Variants in AGAP1 observed in about 807,000 individuals in gnomAD.
AGAP1 encodes the protein arf-GAP with GTPase, ANK repeat and PH domain-containing protein 1.
AGAP1 carries 29 observed loss-of-function variants against 105.3 expected under a neutral mutation model. The ratio of observed to expected loss-of-function variants is 0.28; its 90% CI spans 0.21 to 0.38. The LOEUF (loss-of-function observed/expected upper bound fraction) is 0.38, where lower values mean the gene tolerates loss of function less well. Ranked by LOEUF, AGAP1 falls within the 10% of genes least tolerant of loss-of-function variation. The probability of loss-of-function intolerance (pLI) is 1.00; values close to 1 mark genes in which losing one functional copy is unlikely to be tolerated. For synonymous variants in AGAP1, 509 were observed against 485.9 expected (o/e 1.05, Z -0.63); for missense variants, 998 against 1,165.1 (o/e 0.86, Z 2.09).
Position 235,753,154 on chromosome 2 carries a change from C to T in AGAP1, c.673+2666C>T, listed in dbSNP as rs139460688. 2.2e-3 allele frequency among the ~76,000 whole-genome samples: 335 copies of T among 152,290 alleles called. 2 individuals are homozygous for T. Among genetic ancestry groups the T allele is most frequent in the African/African-American group, 7.7e-3 (320 of 41,558 alleles). On this transcript the variant is annotated intron_variant, in intron 6 of 17. Coordinates refer to ENST00000304032, the MANE Select transcript of AGAP1 (RefSeq NM_001037131.3). This position sits in a 1 kb window ranked among gnomAD's most constrained non-coding sequence, Gnocchi z 4.5. ...GTTGAGTTCCATACCACACCCAGCA[C>T]GTTCAAGGCAGAGGACAGGCAGCCA...
At chr2:235,537,702 C>G (rs1943287223) in intron 1 of AGAP1, among the ~76,000 whole-genome samples, 1 of 152,212 alleles carries the variant, frequency 6.6e-6, no homozygotes, top group African/African-American at 2.4e-5. Flanking sequence ...CCAGTCTTGT[C>G]TAATAATTAT....
chr2:235,544,306 C>G (rs1943552204), intron 1 of AGAP1, among the ~76,000 whole-genome samples: 1 of 152,154 alleles, frequency 6.6e-6, no homozygotes, highest in African/African-American at 2.4e-5. Flanking sequence ...TAAAATTGTG[C>G]AAGAAACGCA....
chr2:235,498,202 G>A (rs1203233456), intron 1 of AGAP1, among the ~76,000 whole-genome samples: 1 of 152,220 alleles, frequency 6.6e-6, no homozygotes. Flanking sequence ...GTAGGCATGG[G>A]ATACAGGTGA....
intron 11 of AGAP1, among the ~76,000 whole-genome samples, chr2:235,911,737 A>T (rs911557424): frequency 2.0e-4 from 30 of 152,330 alleles, no homozygotes; most frequent in African/African-American, 7.0e-4. Flanking sequence ...CTGTTGGGCA[A>T]ATGGGAGGGT....
At chr2:235,969,553 C>T (rs1219296057) in intron 13 of AGAP1, among the ~76,000 whole-genome samples, 1 of 152,180 alleles carries the variant, frequency 6.6e-6, no homozygotes, top group Non-Finnish European at 1.5e-5. Flanking sequence ...CTTTCTCTTT[C>T]TCTATGGCTG....
rs964366756 is a variant in AGAP1, at chr2:235,614,295, G to A, written c.164-94884G>A. ...GCGGGGAGGTGGCTGGTGCTGGAGC[G>A]TGTATAACAAAAGTGGGATCCGGAA... On this transcript the variant is annotated intron_variant, in intron 1 of 17. Transcript: ENST00000304032. This position sits in a 1 kb window ranked among gnomAD's most constrained non-coding sequence, Gnocchi z 4.7. 3.3e-5 allele frequency among the ~76,000 whole-genome samples: 5 copies of A among 152,066 alleles called. No individual in the cohort carries two copies. Among genetic ancestry groups the A allele is most frequent in the South Asian group, 2.1e-4 (1 of 4,824 alleles).
rs182574726 is a variant in AGAP1 at position 235,759,387 on chromosome 2, T to C, written c.673+8899T>C. On this transcript the variant is annotated intron_variant, in intron 6 of 17. Transcript: ENST00000304032. ...GCTTTCACCGTGTTAGCCAGGATGG[T>C]CTTGATCTCCTGACCTCGTGATCCG... Among the ~76,000 whole-genome samples, 496 of 150,708 alleles carry C rather than the reference T, an allele frequency of 3.3e-3. 1 individual carries two copies. The highest frequency in any genetic ancestry group is 0.011 in the African/African-American group (469 of 41,100).
At chr2:235,885,282 A>G (rs1477505558) in intron 10 of AGAP1, among the ~76,000 whole-genome samples, 1 of 152,216 alleles carries the variant, frequency 6.6e-6, no homozygotes, top group Non-Finnish European at 1.5e-5. Flanking sequence ...ATATACTTGT[A>G]CACCACCATT....
In AGAP1 at chr2:236,087,057, A is replaced by G. The variant is rs1186037224; in HGVS notation, c.2115-33135A>G. 7.2e-5 allele frequency among the ~76,000 whole-genome samples: 11 copies of G among 152,098 alleles called. No homozygotes were observed. Among genetic ancestry groups the G allele is most frequent in the Non-Finnish European group, 1.5e-4 (10 of 68,026 alleles). ...AGGAAACTGTTTTCATGAGTAAATG[A>G]AGGAAACAAAGGCCTCGCAGCAGGA... is the stretch of plus-strand genomic sequence containing the variant. On this transcript the variant is annotated intron_variant, in intron 16 of 17. Coordinates refer to ENST00000304032, the MANE Select transcript of AGAP1 (RefSeq NM_001037131.3). This position sits in a 1 kb window ranked among gnomAD's most constrained non-coding sequence, Gnocchi z 5.7.
rs1296812170 is a variant in AGAP1 at position 236,128,138 on chromosome 2, C to T, written c.*4016C>T. ...CAGCTTGCCAGTGCCCTGCCCTCCA[C>T]ATGGCGGGGAACAGCATCAATGAGG... On this transcript the variant is annotated 3_prime_UTR_variant, in exon 18 of 18. Coordinates refer to ENST00000304032, the MANE Select transcript of AGAP1 (RefSeq NM_001037131.3). The surrounding 1 kb of genome is among the most constrained non-coding windows in gnomAD (Gnocchi z 5.9). The T allele has an allele frequency of 5.9e-5, 9 of 152,194 alleles. No homozygotes were observed. Among genetic ancestry groups the T allele is most frequent in the African/African-American group, 2.2e-4 (9 of 41,394 alleles). The allele number at this position is 152,194 out of a possible 1,614,324, so 9.4% of individuals were successfully genotyped here.
At chr2:235,508,348 A>G (rs1009512033) in intron 1 of AGAP1, among the ~76,000 whole-genome samples, 9 of 152,224 alleles carry the variant, frequency 5.9e-5, no homozygotes, top group Admixed American at 2.6e-4. Flanking sequence ...AGTAAAGTAG[A>G]AAAGGAAACT....
At position 235,615,604 on chromosome 2, in the gene AGAP1, C is replaced by T. The variant is rs1244208043; in HGVS notation, c.164-93575C>T. 6.6e-6 allele frequency among the ~76,000 whole-genome samples: 1 copy of T among 152,172 alleles called. No individual in the cohort carries two copies. Among genetic ancestry groups the T allele is most frequent in the Non-Finnish European group, 1.5e-5 (1 of 68,034 alleles). ...AAGTATTTTAAGGAAGTGGGGTCAG[C>T]TTTCCTCTGCTCCCCTGACTTCACA... On this transcript the variant is annotated intron_variant, in intron 1 of 17. Transcript: ENST00000304032. The surrounding 1 kb of genome is among the most constrained non-coding windows in gnomAD (Gnocchi z 5.0).
rs1488280455 is a variant in AGAP1, at chr2:235,888,476, A to G, written c.1155+5027A>G. 2.0e-5 allele frequency among the ~76,000 whole-genome samples: 3 copies of G among 152,062 alleles called. No individual in the cohort carries two copies. Among genetic ancestry groups the G allele is most frequent in the Non-Finnish European group, 4.4e-5 (3 of 68,010 alleles). On this transcript the variant is annotated intron_variant, in intron 10 of 17. Transcript: ENST00000304032. This position sits in a 1 kb window ranked among gnomAD's most constrained non-coding sequence, Gnocchi z 4.8. ...CTCCCCAACCAGTCCTCCCTAGACAAGACAGGCAAGCAAGGGCCGAGTTGA... is the reference window on the plus strand; with the variant it reads ...CTCCCCAACCAGTCCTCCCTAGACAGGACAGGCAAGCAAGGGCCGAGTTGA...
intron 12 of AGAP1, among the ~76,000 whole-genome samples, chr2:235,941,853 G>C (rs543522785): frequency 6.6e-6 from 1 of 151,984 alleles, no homozygotes; most frequent in Non-Finnish European, 1.5e-5. Context: ...TGTTGTTGGG[G>C]GGGTAAGAAG....
Position 235,958,675 on chromosome 2 carries a change from C to T in AGAP1, c.1484-9787C>T, listed in dbSNP as rs1264056723. 2.0e-5 allele frequency among the ~76,000 whole-genome samples: 3 copies of T among 152,108 alleles called. No homozygotes were observed. The highest frequency in any genetic ancestry group is 4.8e-5 in the African/African-American group (2 of 41,408). On this transcript the variant is annotated intron_variant, in intron 12 of 17. Coordinates refer to ENST00000304032, the MANE Select transcript of AGAP1 (RefSeq NM_001037131.3). This position sits in a 1 kb window ranked among gnomAD's most constrained non-coding sequence, Gnocchi z 4.1. ...CAGCAGAGATAAGTTGTCACGTTTT[C>T]CACTTGAGCTGAAACTAAATGATTG...
intron 1 of AGAP1, among the ~76,000 whole-genome samples, chr2:235,661,374 A>G (rs1486845516): frequency 6.6e-6 from 1 of 152,098 alleles, no homozygotes; most frequent in Non-Finnish European, 1.5e-5. Context: ...TACAGGGTCC[A>G]TTTGCCAACT....
At chr2:236,099,690 A>G (rs56704706) in intron 16 of AGAP1, among the ~76,000 whole-genome samples, 3,638 of 152,116 alleles carry the variant, frequency 0.024, 163 homozygotes, top group African/African-American at 0.084. Flanking sequence ...TGACACTTGA[A>G]AGCAGCTGGG....
chr2:235,742,178 A>AT (rs1173979531), intron 4 of AGAP1, among the ~76,000 whole-genome samples: 28 of 152,096 alleles, frequency 1.8e-4, no homozygotes, highest in African/African-American at 6.3e-4. Flanking sequence ...GCAGCATAGG[A>AT]TTGTAAGATG....
chr2:235,790,018 C>G (rs1956879238), intron 6 of AGAP1, among the ~76,000 whole-genome samples: 2 of 152,094 alleles, frequency 1.3e-5, no homozygotes, highest in Non-Finnish European at 2.9e-5. Flanking sequence ...CTGGACCAGA[C>G]TTGTTCATAA....
Sources: gnomAD v4.1 joint callset for allele counts (sites outside exome capture counted in the v4.1 genomes callset) on GRCh38, gnomAD v4.1.1 for gene constraint, Gnocchi (gnomAD v3.1) non-coding constraint, MANE v1.5 for transcripts, NCBI Gene and HGNC (gene_info 2026-07-23, HGNC 2026-07-21) for gene names.